TMPPE: variants seen among roughly 807,000 people sequenced by gnomAD.
The protein encoded by TMPPE is transmembrane protein with metallophosphoesterase domain.
TMPPE carries 16 observed loss-of-function variants against 22.6 expected under a neutral mutation model. The observed-to-expected ratio is 0.71, with a 90% CI of 0.48 to 1.08. The LOEUF (loss-of-function observed/expected upper bound fraction) is 1.08. Among genes scored for constraint, TMPPE ranks in the 50% least tolerant of loss-of-function variants. The probability of loss-of-function intolerance (pLI) is 0.00; values close to 1 mark genes in which losing one functional copy is unlikely to be tolerated. For missense variants in TMPPE, 526 were observed against 584.3 expected (o/e 0.90, Z 1.03); for synonymous variants, 240 against 245.3 (o/e 0.98, Z 0.20).
At chr3:33,096,506 G>T in intron 1 of TMPPE, 1 of 985,236 alleles carries the variant, frequency 1.0e-6, no homozygotes, top group Non-Finnish European at 1.2e-6. Flanking sequence ...AAAGGAACAA[G>T]ATGCACGAAG....
chr3:33,092,118 C>T lies in TMPPE; in HGVS notation c.*716G>A. On this transcript the variant is annotated 3_prime_UTR_variant, in exon 2 of 2. Transcript: ENST00000342462. ...AAAGCCCTCTGAATTCCTAAGCAGC[C>T]ATGTTCTCACCATCACCGACCATGG... The T allele has an allele frequency of 1.0e-6, 1 of 985,554 alleles. No homozygotes were observed. The highest frequency in any genetic ancestry group is 1.2e-6 in the Non-Finnish European group (1 of 830,066). The allele number at this position is 985,554 out of a possible 1,614,324, so 61.1% of individuals were successfully genotyped here. A position where few individuals can be genotyped will look rare whatever the true frequency, so the allele number is the denominator to read the frequency against.
chr3:33,093,587 T>G lies in TMPPE; in HGVS notation c.609A>C (p.Ser203=). ...VEVPIHQLPA[S]MNNLKIVLLS... ...GGAGCACGATCTTGAGGTTGTTCAT[T>G]GAGGCAGGCAGCTGATGGATGGGCA... is the stretch of plus-strand genomic sequence containing the variant. The change falls in exon 2 of 2, where the codon TCA becomes TCC. Residue 203 remains serine, a synonymous_variant. Transcript: ENST00000342462. This position sits in a 1 kb window ranked among gnomAD's most constrained non-coding sequence, Gnocchi z 6.0. The G allele has an allele frequency of 6.2e-7, 1 of 1,614,128 alleles. No homozygotes were observed. The highest frequency in any genetic ancestry group is 8.5e-7 in the Non-Finnish European group (1 of 1,180,004).
rs775680556 is a variant in TMPPE at position 33,092,934 on chromosome 3, G to GTGCCTGGGCTGACA, written c.1261_1262insTGTCAGCCCAGGCA (p.Thr421MetfsTer21). On this transcript the variant is annotated frameshift_variant, in exon 2 of 2. Coordinates refer to ENST00000342462, the MANE Select transcript of TMPPE (RefSeq NM_001039770.3). LOFTEE classifies it high-confidence loss of function. Reference sequence around the variant, plus strand: ...TGTGCCTGGGCTGACATACACGAATGTAGCCTGGGCCACCTGGTAGAGACC... The same window carrying GTGCCTGGGCTGACA: ...TGTGCCTGGGCTGACATACACGAATGTGCCTGGGCTGACATAGCCTGGGCCACCTGGTAGAGACC... 1 of 1,614,216 alleles carries GTGCCTGGGCTGACA rather than the reference G, an allele frequency of 6.2e-7. No individual in the cohort carries two copies. The highest frequency in any genetic ancestry group is 1.1e-5 in the South Asian group (1 of 91,084).
chr3:33,097,096 C>G lies in TMPPE; in HGVS notation c.-486G>C, dbSNP rs768807428. ...CAGGAACCCCGGCATGACCACCAGCCTCCCGGCTCTGCAGTCGGCGCCCAG... is the reference window on the plus strand; with the variant it reads ...CAGGAACCCCGGCATGACCACCAGCGTCCCGGCTCTGCAGTCGGCGCCCAG... On this transcript the variant is annotated 5_prime_UTR_variant, in exon 1 of 2. Coordinates refer to ENST00000342462, the MANE Select transcript of TMPPE (RefSeq NM_001039770.3). 5 of 1,612,002 alleles carry G rather than the reference C, an allele frequency of 3.1e-6. No homozygotes were observed. Among genetic ancestry groups the G allele is most frequent in the Middle Eastern group, 1.6e-4 (1 of 6,076 alleles).
chr3:33,093,673 C>T lies in TMPPE; in HGVS notation c.523G>A (p.Val175Met), dbSNP rs1700873707. Reference sequence around the variant, plus strand: ...TTCAGAATCCCGGCCACGCTGAGCACAGCAGTCACTCCCACTGCCAGGGCA... The same window carrying T: ...TTCAGAATCCCGGCCACGCTGAGCATAGCAGTCACTCCCACTGCCAGGGCA... ...RPALAVGVTA[V>M]LSVAGILNAA... The change falls in exon 2 of 2, where the codon GTG (valine) becomes ATG (methionine). Residue 175 changes from valine to methionine, a missense_variant. Physicochemically the swap from Val to Met is conservative, Grantham distance 21 (BLOSUM62 1). Coordinates refer to ENST00000342462, the MANE Select transcript of TMPPE (RefSeq NM_001039770.3). The surrounding 1 kb of genome is among the most constrained non-coding windows in gnomAD (Gnocchi z 6.0). 1 of 1,614,144 alleles carries T rather than the reference C, an allele frequency of 6.2e-7. No homozygotes were observed. Among genetic ancestry groups the T allele is most frequent in the East Asian group, 2.2e-5 (1 of 44,868 alleles).
At position 33,093,509 on chromosome 3, in the gene TMPPE, A is replaced by C. The variant is rs1421425300; in HGVS notation, c.687T>G (p.Phe229Leu). 3 of 1,614,072 alleles carry C rather than the reference A, an allele frequency of 1.9e-6. No homozygotes were observed. Residue 229 changes from phenylalanine to leucine, a missense_variant, in exon 2 of 2, where the codon TTT (phenylalanine) becomes TTG (leucine). Phe to Leu is a conservative substitution (Grantham distance 22). Coordinates refer to ENST00000342462, the MANE Select transcript of TMPPE (RefSeq NM_001039770.3). The surrounding 1 kb of genome is among the most constrained non-coding windows in gnomAD (Gnocchi z 6.0). ...GTTCCAGCACATTCACCATCCTCAC[A>C]AACATTTCCATCTTGGTCCTGCCCA... ...PTVGRTKMEM[F>L]VRMVNVLEPD...
At position 33,093,828 on chromosome 3, in the gene TMPPE, C is replaced by A; in HGVS notation, c.368G>T (p.Gly123Val). The A allele has an allele frequency of 6.2e-7, 1 of 1,613,522 alleles. No individual in the cohort carries two copies. The highest frequency in any genetic ancestry group is 8.5e-7 in the Non-Finnish European group (1 of 1,179,754). The change falls in exon 2 of 2, where the codon GGT (glycine) becomes GTT (valine). Residue 123 changes from glycine to valine, a missense_variant. Gly to Val is a moderately radical substitution (Grantham distance 109). Coordinates refer to ENST00000342462, the MANE Select transcript of TMPPE (RefSeq NM_001039770.3). The surrounding 1 kb of genome is among the most constrained non-coding windows in gnomAD (Gnocchi z 6.0). The stretch of plus-strand genomic sequence containing the variant: ...GAAGAAGAGCATGATGATGTAAGCA[C>A]CCAGGCAGGAGTAGGCCGCCAAGGA... ...LFSLAAYSCLGAYIIMLFFLF... is the reference protein window; with the variant it reads ...LFSLAAYSCLVAYIIMLFFLF...
chr3:33,094,541 T>C (rs1288813300), intron 1 of TMPPE, among the ~76,000 whole-genome samples: 1 of 152,244 alleles, frequency 6.6e-6, no homozygotes, highest in Non-Finnish European at 1.5e-5. Flanking sequence ...ACAGTAAGCA[T>C]GTACTTGTTT....
At position 33,092,861 on chromosome 3, in the gene TMPPE, T is replaced by C; in HGVS notation, c.1335A>G (p.Thr445=). 6.2e-7 allele frequency: 1 copy of C among 1,610,530 alleles called. No homozygotes were observed. Among genetic ancestry groups the C allele is most frequent in the Non-Finnish European group, 8.5e-7 (1 of 1,177,828 alleles). ...PMRLGSRAEI[T]ELILQRSP is the part of the protein sequence containing the mutation. ...AGGGAGACCGCTGCAGGATGAGCTC[T>C]GTGATCTCGGCCCTGCTACCCAGCC... Residue 445 remains threonine, a synonymous_variant, in exon 2 of 2, where the codon ACA becomes ACG. Coordinates refer to ENST00000342462, the MANE Select transcript of TMPPE (RefSeq NM_001039770.3).
At chr3:33,094,943 G>A (rs1470388971) in intron 1 of TMPPE, among the ~76,000 whole-genome samples, 1 of 152,180 alleles carries the variant, frequency 6.6e-6, no homozygotes, top group East Asian at 1.9e-4. Context: ...GGGCACAGTG[G>A]CTGACGCCTA....
In TMPPE at chr3:33,096,829, C is replaced by G. The variant is rs1361922484; in HGVS notation, c.-219G>C. 1.5e-6 allele frequency: 2 copies of G among 1,368,738 alleles called. No homozygotes were observed. Among genetic ancestry groups the G allele is most frequent in the Non-Finnish European group, 1.9e-6 (2 of 1,063,602 alleles). The allele number at this position is 1,368,738 out of a possible 1,614,324, so 84.8% of individuals were successfully genotyped here. On this transcript the variant is annotated 5_prime_UTR_variant, in exon 1 of 2. Transcript: ENST00000342462. ...CTGGAAGGACGCGCGCCCCGCCCGG[C>G]CCGCCCCCGACGGGAAGGCCGGTCC...
rs1233338329 is a variant in TMPPE, at chr3:33,097,053, CA to C, written c.-444del. ...GGCCCAGAAGCAGCAGAACCAGCAA[CA>C]GAGGGAGGATGCGAACCAGGAACCC... is the stretch of plus-strand genomic sequence containing the variant. On this transcript the variant is annotated 5_prime_UTR_variant, in exon 1 of 2. The change creates a premature stop within an existing upstream ORF in the 5' untranslated region. Transcript: ENST00000342462. 6.2e-7 allele frequency: 1 copy of C among 1,611,922 alleles called. No homozygotes were observed. The highest frequency in any genetic ancestry group is 8.5e-7 in the Non-Finnish European group (1 of 1,178,674).
At chr3:33,096,416 C>G in intron 1 of TMPPE, 2 of 923,770 alleles carry the variant, frequency 2.2e-6, no homozygotes, top group Non-Finnish European at 2.6e-6. Context: ...TCAACCTGGA[C>G]CCCCAAACGC....
Position 33,096,968 on chromosome 3 carries a change from T to C in TMPPE, c.-358A>G. 1 of 1,603,302 alleles carries C rather than the reference T, an allele frequency of 6.2e-7. No homozygotes were observed. The highest frequency in any genetic ancestry group is 1.1e-5 in the South Asian group (1 of 89,598). ...CCCAGCCCGGTTCCCCGCCAGCCTG[T>C]CCCCTAGCAATGCCTCCCCGTACCC... On this transcript the variant is annotated 5_prime_UTR_variant, in exon 1 of 2. Transcript: ENST00000342462.
At position 33,096,989 on chromosome 3, in the gene TMPPE, T is replaced by C; in HGVS notation, c.-379A>G. On this transcript the variant is annotated 5_prime_UTR_variant, in exon 1 of 2. Transcript: ENST00000342462. ...CCTGTCCCCTAGCAATGCCTCCCCGTACCCGGGTCCCGCAGACTTACGCGC... is the reference window on the plus strand; with the variant it reads ...CCTGTCCCCTAGCAATGCCTCCCCGCACCCGGGTCCCGCAGACTTACGCGC... The C allele has an allele frequency of 1.9e-6, 3 of 1,610,080 alleles. No homozygotes were observed. Among genetic ancestry groups the C allele is most frequent in the Non-Finnish European group, 1.7e-6 (2 of 1,178,150 alleles).
chr3:33,090,837 T>TCAAGCA lies in TMPPE; in HGVS notation c.*1991_*1996dup. On this transcript the variant is annotated 3_prime_UTR_variant, in exon 2 of 2. Transcript: ENST00000342462. ...CTTTCTGCTAATAGAAAGCAATCAG[T>TCAAGCA]CAAGCAAGGACTTCAGAGTGGATGA... 1 of 985,140 alleles carries TCAAGCA rather than the reference T, an allele frequency of 1.0e-6. No homozygotes were observed. The highest frequency in any genetic ancestry group is 1.2e-6 in the Non-Finnish European group (1 of 829,896). The allele number at this position is 985,140 out of a possible 1,614,324, so 61.0% of individuals were successfully genotyped here.
At position 33,094,129 on chromosome 3, in the gene TMPPE, A is replaced by T; in HGVS notation, c.67T>A (p.Ser23Thr). The T allele has an allele frequency of 6.2e-7, 1 of 1,613,928 alleles. No homozygotes were observed. Among genetic ancestry groups the T allele is most frequent in the South Asian group, 1.1e-5 (1 of 91,074 alleles). The change falls in exon 2 of 2, where the codon TCC (serine) becomes ACC (threonine). Residue 23 changes from serine to threonine, a missense_variant. Coordinates refer to ENST00000342462, the MANE Select transcript of TMPPE (RefSeq NM_001039770.3). ...ATLAAVTVFVSMIASRSYLAE... is the reference protein window; with the variant it reads ...ATLAAVTVFVTMIASRSYLAE... The stretch of plus-strand genomic sequence containing the variant: ...AGATACGAGCGGGAGGCGATCATGG[A>T]CACGAAGACAGTGACAGCAGCCAGG...
rs140293540 is a variant in TMPPE at position 33,093,538 on chromosome 3, T to C, written c.658A>G (p.Thr220Ala). The C allele has an allele frequency of 1.2e-4, 199 of 1,614,200 alleles. No individual in the cohort carries two copies. The African/African-American group carries it at 2.5e-3, about 20-fold the overall frequency. Reference protein sequence around the residue: ...VLLSDIHLGPTVGRTKMEMFV... With the variant: ...VLLSDIHLGPAVGRTKMEMFV... ...ATTTCCATCTTGGTCCTGCCCACTG[T>C]GGGGCCCAAGTGAATGTCTGAGAGG... Residue 220 changes from threonine to alanine, a missense_variant, in exon 2 of 2, where the codon ACA becomes GCA. Coordinates refer to ENST00000342462, the MANE Select transcript of TMPPE (RefSeq NM_001039770.3). This position sits in a 1 kb window ranked among gnomAD's most constrained non-coding sequence, Gnocchi z 6.0.
chr3:33,090,943 T>G lies in TMPPE; in HGVS notation c.*1891A>C, dbSNP rs923055747. The G allele has an allele frequency of 7.4e-5, 73 of 984,732 alleles. No homozygotes were observed. Among genetic ancestry groups the G allele is most frequent in the Non-Finnish European group, 8.7e-5 (72 of 829,818 alleles). The allele number at this position is 984,732 out of a possible 1,614,324, so 61.0% of individuals were successfully genotyped here. ...TGCAAAATTAAAAAAAAAATAGGAC[T>G]TAATGAAAGCTAATTTCATCAAGCC... On this transcript the variant is annotated 3_prime_UTR_variant, in exon 2 of 2. Coordinates refer to ENST00000342462, the MANE Select transcript of TMPPE (RefSeq NM_001039770.3).
Sources: gnomAD v4.1 joint callset for allele counts (sites outside exome capture counted in the v4.1 genomes callset) on GRCh38, gnomAD v4.1.1 for gene constraint, Gnocchi (gnomAD v3.1) non-coding constraint, MANE v1.5 for transcripts, NCBI Gene and HGNC (gene_info 2026-07-23, HGNC 2026-07-21) for gene names.